Variants in DLGAP2 observed in about 807,000 individuals in gnomAD.
The protein encoded by DLGAP2 is DLG associated protein 2.
In DLGAP2, 26 loss-of-function variants were observed where a neutral mutation model predicts 100.3. That is an observed-to-expected ratio of 0.26 (90% CI 0.19 to 0.36). DLGAP2 has a LOEUF of 0.36. Ranked by LOEUF, DLGAP2 falls within the 10% of genes least tolerant of loss-of-function variation. The pLI is 1.00. For missense variants in DLGAP2, 1,858 were observed against 1,453.2 expected (o/e 1.28, Z -4.53); for synonymous variants, 886 against 630.1 (o/e 1.41, Z -6.08).
intron 2 of DLGAP2, among the ~76,000 whole-genome samples, chr8:1,225,857 CAAA>C (rs1585168025): frequency 1.3e-5 from 2 of 152,212 alleles, no homozygotes; most frequent in South Asian, 4.2e-4. Flanking sequence ...GTTCACACCA[CAAA>C]AAAGTTTAAG....
At chr8:1,612,545 T>C (rs948872469) in intron 6 of DLGAP2, among the ~76,000 whole-genome samples, 92 of 119,772 alleles carry the variant, frequency 7.7e-4, no homozygotes, top group Non-Finnish European at 1.4e-3. Context: ...ACAAATGGGA[T>C]CTAATTAAAC....
chr8:1,392,198 A>C (rs7825988), intron 3 of DLGAP2, among the ~76,000 whole-genome samples: 2,651 of 152,290 alleles, frequency 0.017, 61 homozygotes, highest in African/African-American at 0.06. Flanking sequence ...GTGCCATTGG[A>C]ACACCCAGAT....
Position 1,228,529 on chromosome 8 carries a change from T to A in DLGAP2, c.74-30322T>A, listed in dbSNP as rs937901150. ...AGAAACTACAAACCAGTGCCTCTTA[T>A]GAATATAGATATAAAAATCCTCCAC... On this transcript the variant is annotated intron_variant, in intron 2 of 14. Transcript: ENST00000637795. Among the ~76,000 whole-genome samples the A allele has an allele frequency of 2.6e-5, 4 of 152,220 alleles. 1 individual carries two copies. Among genetic ancestry groups the A allele is most frequent in the Admixed American group, 2.0e-4 (3 of 15,282 alleles).
intron 3 of DLGAP2, among the ~76,000 whole-genome samples, chr8:1,370,332 C>G (rs1174355781): frequency 6.6e-6 from 1 of 152,106 alleles, no homozygotes; most frequent in East Asian, 1.9e-4. Context: ...CCAGCCAAAC[C>G]CTTGCTCTCC....
intron 5 of DLGAP2, among the ~76,000 whole-genome samples, chr8:1,554,355 T>C (rs1044329808): frequency 1.3e-5 from 2 of 152,214 alleles, no homozygotes; most frequent in African/African-American, 4.8e-5. Flanking sequence ...TGCACGATGC[T>C]GGCCATTTGC....
chr8:826,000 G>A (rs1265746910), intron 1 of DLGAP2, among the ~76,000 whole-genome samples: 1 of 149,116 alleles, frequency 6.7e-6, no homozygotes, highest in Admixed American at 6.6e-5. Flanking sequence ...ACTACCCTGG[G>A]AACCGTACTT....
intron 2 of DLGAP2, among the ~76,000 whole-genome samples, chr8:1,170,346 T>A (rs1471671213): frequency 6.6e-6 from 1 of 152,050 alleles, no homozygotes; most frequent in Admixed American, 6.5e-5. Context: ...AAAATTCTCT[T>A]TTTTGGTTGT....
chr8:1,026,857 A>G (rs1036328341), intron 2 of DLGAP2, among the ~76,000 whole-genome samples: 2 of 152,188 alleles, frequency 1.3e-5, no homozygotes, highest in South Asian at 2.1e-4. Flanking sequence ...CTGACCCCCA[A>G]CACATTTATT....
rs529153704 is a variant in DLGAP2 at position 1,437,975 on chromosome 8, A to G, written c.107-63391A>G. ...CACTCCAGCCTGGGCGACAAGAGCA[A>G]AACTCCATCTCAAAAAAATAAAATG... On this transcript the variant is annotated intron_variant, in intron 3 of 14. Transcript: ENST00000637795. 1.1e-4 allele frequency among the ~76,000 whole-genome samples: 16 copies of G among 152,202 alleles called. No individual in the cohort carries two copies. The South Asian group carries it at 3.3e-3, about 32-fold the overall frequency.
At position 1,149,408 on chromosome 8, in the gene DLGAP2, A is replaced by G. The variant is rs531375801; in HGVS notation, c.74-109443A>G. On this transcript the variant is annotated intron_variant, in intron 2 of 14. Coordinates refer to ENST00000637795, the MANE Select transcript of DLGAP2 (RefSeq NM_001346810.2). ...GTGATCCGCTCACCTCGGCCTCCCA[A>G]AGTGCTGGGATTACAGGCACCAGCC... 1.4e-3 allele frequency among the ~76,000 whole-genome samples: 210 copies of G among 152,080 alleles called. 1 individual carries two copies. The highest frequency in any genetic ancestry group is 2.5e-3 in the Non-Finnish European group (172 of 68,008).
At chr8:1,204,459 G>A (rs1411933771) in intron 2 of DLGAP2, among the ~76,000 whole-genome samples, 2 of 152,246 alleles carry the variant, frequency 1.3e-5, no homozygotes, top group Non-Finnish European at 2.9e-5. Flanking sequence ...TAATGACCGT[G>A]TGTGGTCTTG....
chr8:1,260,408 C>T (rs1010128822), intron 3 of DLGAP2, among the ~76,000 whole-genome samples: 1 of 152,090 alleles, frequency 6.6e-6, no homozygotes, highest in Non-Finnish European at 1.5e-5. Context: ...CTACTTGTTT[C>T]TAATAACAAA....
chr8:1,088,088 C>T (rs1320265847), intron 2 of DLGAP2, among the ~76,000 whole-genome samples: 1 of 152,226 alleles, frequency 6.6e-6, no homozygotes, highest in African/African-American at 2.4e-5. Context: ...TGGGCTTGGC[C>T]CCACAGGGGA....
intron 1 of DLGAP2, among the ~76,000 whole-genome samples, chr8:824,820 A>G (rs1463622012): frequency 6.6e-6 from 1 of 152,002 alleles, no homozygotes; most frequent in Non-Finnish European, 1.5e-5. Context: ...CTTTCTGCCC[A>G]CTGGTTTGGT....
chr8:1,146,933 T>C (rs1259444247), intron 2 of DLGAP2, among the ~76,000 whole-genome samples: 1 of 152,240 alleles, frequency 6.6e-6, no homozygotes, highest in East Asian at 1.9e-4. Context: ...TTTTCTTTTC[T>C]TCCAATAAAT....
intron 2 of DLGAP2, among the ~76,000 whole-genome samples, chr8:1,232,836 G>A (rs1005789150): frequency 8.5e-5 from 13 of 152,190 alleles, no homozygotes; most frequent in Admixed American, 3.9e-4. Flanking sequence ...TGAAGTGTGC[G>A]AGCCAGTGGC....
chr8:1,451,895 C>G (rs1366048094), intron 3 of DLGAP2, among the ~76,000 whole-genome samples: 3 of 152,248 alleles, frequency 2.0e-5, no homozygotes, highest in Non-Finnish European at 2.9e-5. Flanking sequence ...CTCACGGGCT[C>G]CCACACACAC....
intron 5 of DLGAP2, among the ~76,000 whole-genome samples, chr8:1,560,060 G>A (rs10086219): frequency 0.35 from 52,954 of 152,108 alleles, 9,954 homozygotes; most frequent in Non-Finnish European, 0.42. Context: ...GAGAACTGTG[G>A]CTTTTCTTAA....
chr8:1,189,305 G>A (rs1797585438), intron 2 of DLGAP2, among the ~76,000 whole-genome samples: 1 of 152,260 alleles, frequency 6.6e-6, no homozygotes, highest in South Asian at 2.1e-4. Flanking sequence ...CCAACTGCAA[G>A]GGCGGGAGAC....
Sources: gnomAD v4.1 joint callset for allele counts (sites outside exome capture counted in the v4.1 genomes callset) on GRCh38, gnomAD v4.1.1 for gene constraint, MANE v1.5 for transcripts, NCBI Gene and HGNC (gene_info 2026-07-23, HGNC 2026-07-21) for gene names.